Variants in PHLDB1 observed in about 807,000 individuals in gnomAD.
The protein encoded by PHLDB1 is pleckstrin homology like domain family B member 1.
In PHLDB1, 65 loss-of-function variants were observed where a neutral mutation model predicts 139.3. That is an observed-to-expected ratio of 0.47 (90% CI 0.38 to 0.57). The LOEUF (loss-of-function observed/expected upper bound fraction) is 0.57. Ranked by LOEUF, PHLDB1 falls within the 20% of genes least tolerant of loss-of-function variation. The probability of loss-of-function intolerance (pLI) is 0.00; values close to 1 mark genes in which losing one functional copy is unlikely to be tolerated. For synonymous variants in PHLDB1, 679 were observed against 734.5 expected, an observed-to-expected ratio of 0.92 and a Z score of 1.22; for missense variants, 1,624 against 1,839.7, an observed-to-expected ratio of 0.88 and a Z score of 2.14.
chr11:118,614,849 C>T (rs758960782), intron 3 of PHLDB1, 167 bp downstream of exon 3: 22 of 623,018 alleles, frequency 3.5e-5, no homozygotes, highest in Non-Finnish European at 5.8e-5. Context: ...AGACTGCCTG[C>T]CTTCCTTGGT....
At chr11:118,652,616 T>C (rs1555138381) in intron 20 of PHLDB1, 1 of 152,236 alleles carries the variant, frequency 6.6e-6, no homozygotes, top group Admixed American at 6.5e-5. Flanking sequence ...TCAGAGAGGT[T>C]AAGTAAATTG....
rs1054552311 is a variant in PHLDB1 at position 118,645,278 on chromosome 11, C to G, written c.3122-78C>G. The G allele has an allele frequency of 8.7e-7, 1 of 1,150,684 alleles. No homozygotes were observed. The highest frequency in any genetic ancestry group is 1.6e-5 in the South Asian group (1 of 61,866). The allele number at this position is 1,150,684 out of a possible 1,614,324, so 71.3% of individuals were successfully genotyped here. ...AACCTCTCCCTGCTTGCCCCTCCCT[C>G]TGTGTGTTGTGCTGCCAGTGGCCTG... On this transcript the variant is annotated intron_variant, in intron 15 of 22. Transcript: ENST00000600882. This position sits in a 1 kb window ranked among gnomAD's most constrained non-coding sequence, Gnocchi z 5.1.
At position 118,628,607 on chromosome 11, in the gene PHLDB1, G is replaced by A. The variant is rs782533584; in HGVS notation, c.1784G>A (p.Arg595Gln). Residue 595 changes from arginine (R) to glutamine (Q), a missense_variant, in exon 6 of 23, where the codon CGA becomes CAA. Arg to Gln is a conservative substitution (Grantham distance 43, BLOSUM62 1). Transcript: ENST00000600882. ...GACGACCTCCTGGAGTACCACCGGC[G>A]ACAGCGCCAAGAGCGGCTCCGGGAG... is the stretch of plus-strand genomic sequence containing the variant. The part of the protein sequence containing the change: ...NEDDLLEYHR[R>Q]QRQERLREQE... 3 of 1,612,404 alleles carry A rather than the reference G, an allele frequency of 1.9e-6. No homozygotes were observed. The highest frequency in any genetic ancestry group is 2.2e-5 in the East Asian group (1 of 44,870).
At position 118,642,365 on chromosome 11, in the gene PHLDB1, C is replaced by T; in HGVS notation, c.2848C>T (p.Leu950=). 1 of 1,610,618 alleles carries T rather than the reference C, an allele frequency of 6.2e-7. No individual in the cohort carries two copies. ...AASPHSSPPP[L]PAKASRQLQV... is the part of the protein sequence containing the mutation. ...CTCCCCTCACTCTTCTCCCCCGCCTCTGCCCGCCAAAGCTTCCCGTCAGCT... is the reference window on the plus strand; with the variant it reads ...CTCCCCTCACTCTTCTCCCCCGCCTTTGCCCGCCAAAGCTTCCCGTCAGCT... Residue 950 remains leucine, a synonymous_variant, in exon 13 of 23, where the codon CTG becomes TTG. Coordinates refer to ENST00000600882, the MANE Select transcript of PHLDB1 (RefSeq NM_001144758.3).
chr11:118,621,746 G>A (rs1192908287), intron 4 of PHLDB1, among the ~76,000 whole-genome samples: 1 of 152,148 alleles, frequency 6.6e-6, no homozygotes, highest in African/African-American at 2.4e-5. Flanking sequence ...GCACTTCTCA[G>A]CCGGTAGACC....
At chr11:118,655,543 C>T (rs753205858) in intron 20 of PHLDB1, 62 bp from the exon 21 acceptor site, 8 of 1,040,592 alleles carry the variant, frequency 7.7e-6, no homozygotes, top group South Asian at 2.6e-5. Context: ...TGGAGCTCCA[C>T]GTAAATGGAG....
intron 4 of PHLDB1, among the ~76,000 whole-genome samples, chr11:118,619,665 G>A (rs557036757): frequency 2.0e-5 from 3 of 152,264 alleles, no homozygotes; most frequent in African/African-American, 7.2e-5. Flanking sequence ...TTCCTGAGGA[G>A]ATTTTTTTTA....
chr11:118,617,276 G>C (rs766871479), intron 4 of PHLDB1, among the ~76,000 whole-genome samples: 1 of 152,068 alleles, frequency 6.6e-6, no homozygotes, highest in Non-Finnish European at 1.5e-5. Context: ...AGCAGGACAG[G>C]AACTTTGGGC....
intron 18 of PHLDB1, 127 bp from the exon 19 acceptor site, chr11:118,649,950 G>T: frequency 1.4e-6 from 1 of 733,898 alleles, no homozygotes; most frequent in Non-Finnish European, 2.5e-6. Context: ...TGGAGCCACA[G>T]TGACCGCCAT....
intron 3 of PHLDB1, chr11:118,615,321 C>T (rs1941404510): frequency 6.6e-6 from 1 of 152,362 alleles, no homozygotes; most frequent in African/African-American, 2.4e-5. Flanking sequence ...CGCTCCAGGG[C>T]ATTGTCTTGC....
intron 17 of PHLDB1, among the ~76,000 whole-genome samples, chr11:118,646,047 T>C (rs1399265271): frequency 6.6e-6 from 1 of 151,940 alleles, no homozygotes; most frequent in Non-Finnish European, 1.5e-5. Context: ...GATCACGAGG[T>C]CAGGAGATCG....
chr11:118,630,785 C>T (rs1280582878), intron 6 of PHLDB1, among the ~76,000 whole-genome samples: 6 of 151,864 alleles, frequency 4.0e-5, no homozygotes, highest in Admixed American at 2.6e-4. Context: ...TGCGTCAGGA[C>T]GAGCAACTGA....
At chr11:118,607,375 GTGGTGGTGGTGA>G (rs1565372694), upstream of PHLDB1, among the ~76,000 whole-genome samples, 1 of 136,850 alleles carries the variant, frequency 7.3e-6, no homozygotes, top group Non-Finnish European at 1.6e-5. Flanking sequence ...GGTGGTGGTG[GTGGTGGTGGTGA>G]TGGTGGAGAG....
chr11:118,647,905 G>A (rs781917783), intron 17 of PHLDB1, 25 bp from the exon 18 acceptor site: 3 of 1,553,166 alleles, frequency 1.9e-6, no homozygotes, highest in Non-Finnish European at 2.6e-6. Flanking sequence ...GGCCATAGGT[G>A]CTGACCCCTT....
In PHLDB1 at chr11:118,650,306, T is replaced by G. The variant is rs1261468132; in HGVS notation, c.3771+113T>G. 3.0e-6 allele frequency: 3 copies of G among 1,013,300 alleles called. No individual in the cohort carries two copies. Among genetic ancestry groups the G allele is most frequent in the African/African-American group, 3.2e-5 (2 of 63,416 alleles). The allele number at this position is 1,013,300 out of a possible 1,614,324, so 62.8% of individuals were successfully genotyped here. ...CAGTCTCTACCCTCACCTAACCAGA[T>G]CTCTGTCCCAGGACCTGGTGTGCTG... On this transcript the variant is annotated intron_variant, in intron 19 of 22. Transcript: ENST00000600882. The surrounding 1 kb of genome is among the most constrained non-coding windows in gnomAD (Gnocchi z 4.7).
At position 118,616,197 on chromosome 11, in the gene PHLDB1, C is replaced by G; in HGVS notation, c.341C>G (p.Thr114Ser). Residue 114 changes from threonine to serine, a missense_variant, in exon 4 of 23, where the codon ACC (threonine) becomes AGC (serine). Coordinates refer to ENST00000600882, the MANE Select transcript of PHLDB1 (RefSeq NM_001144758.3). ...TIDGLPVRQP[T>S]RLTQGCMLCL... ...GATGGGCTCCCTGTCCGGCAGCCTACCCGGCTCACTCAGGGTAAGGCTGGA... is the reference window on the plus strand; with the variant it reads ...GATGGGCTCCCTGTCCGGCAGCCTAGCCGGCTCACTCAGGGTAAGGCTGGA... The G allele has an allele frequency of 6.2e-7, 1 of 1,613,908 alleles. No individual in the cohort carries two copies. The highest frequency in any genetic ancestry group is 8.5e-7 in the Non-Finnish European group (1 of 1,179,920).
Position 118,628,175 on chromosome 11 carries a change from T to C in PHLDB1, c.1352T>C (p.Leu451Pro). ...AGTCCCCGCCTGGGCCGGCGGGGCC[T>C]GGACAGTATGCGAGAACTACCCCCC... is the stretch of plus-strand genomic sequence containing the variant. ...PESPRLGRRG[L>P]DSMRELPPLS... Residue 451 changes from leucine to proline, a missense_variant, in exon 6 of 23, where the codon CTG (leucine) becomes CCG (proline). Physicochemically the swap from Leu to Pro is moderately conservative, Grantham distance 98. Coordinates refer to ENST00000600882, the MANE Select transcript of PHLDB1 (RefSeq NM_001144758.3). 6.2e-7 allele frequency: 1 copy of C among 1,614,026 alleles called. No individual in the cohort carries two copies.
chr11:118,640,022 C>T (rs1946262666), intron 12 of PHLDB1: 16 of 984,258 alleles, frequency 1.6e-5, no homozygotes, highest in Middle Eastern at 5.2e-4. Flanking sequence ...CAGCTAACTG[C>T]GTGCTCTGCT....
Position 118,645,933 on chromosome 11 carries a change from T to G in PHLDB1, c.3507+108T>G, listed in dbSNP as rs540417798. The G allele has an allele frequency of 1.3e-6, 1 of 780,148 alleles. No homozygotes were observed. Among genetic ancestry groups the G allele is most frequent in the Non-Finnish European group, 2.3e-6 (1 of 434,756 alleles). The allele number at this position is 780,148 out of a possible 1,614,324, so 48.3% of individuals were successfully genotyped here. On this transcript the variant is annotated intron_variant, in intron 17 of 22. Coordinates refer to ENST00000600882, the MANE Select transcript of PHLDB1 (RefSeq NM_001144758.3). The surrounding 1 kb of genome is among the most constrained non-coding windows in gnomAD (Gnocchi z 5.1). ...CAAGCCCTTCCACCCACATTAGCCT[T>G]GCCACATTCCCTTGGGGTAGAAAAT...
Sources: gnomAD v4.1 joint callset for allele counts (sites outside exome capture counted in the v4.1 genomes callset) on GRCh38, gnomAD v4.1.1 for gene constraint, Gnocchi (gnomAD v3.1) non-coding constraint, MANE v1.5 for transcripts, NCBI Gene and HGNC (gene_info 2026-07-23, HGNC 2026-07-21) for gene names.